Variants in LSAMP observed in about 807,000 individuals in gnomAD.
The protein encoded by LSAMP is limbic system associated membrane protein.
LSAMP carries 7 observed loss-of-function variants against 38.6 expected under a neutral mutation model. That is an observed-to-expected ratio of 0.18 (90% confidence interval 0.10 to 0.34). The LOEUF is 0.34. LSAMP is among the 10% of genes least tolerant of loss of function. The pLI is 1.00. For missense variants in LSAMP, 313 were observed against 420.0 expected (o/e 0.75, Z 2.23); for synonymous variants, 154 against 166.8 (o/e 0.92, Z 0.59).
chr3:115,868,430 A>G, intron 3 of LSAMP, among the ~76,000 whole-genome samples: 1 of 152,136 alleles, frequency 6.6e-6, no homozygotes, highest in East Asian at 1.9e-4. Context: ...CAAAACAGGA[A>G]TATTATAAAG....
At chr3:116,234,860 T>G (rs1226938286) in intron 1 of LSAMP, among the ~76,000 whole-genome samples, 1 of 152,180 alleles carries the variant, frequency 6.6e-6, no homozygotes, top group Non-Finnish European at 1.5e-5. Flanking sequence ...ATGGCACATG[T>G]GCATTCTTTG....
intron 1 of LSAMP, among the ~76,000 whole-genome samples, chr3:116,233,528 T>C (rs1027716894): frequency 1.3e-5 from 2 of 152,030 alleles, no homozygotes; most frequent in Admixed American, 1.3e-4. Context: ...ATTAAATTAC[T>C]GTAAATTATA....
intron 1 of LSAMP, among the ~76,000 whole-genome samples, chr3:116,297,621 T>A (rs1305486266): frequency 6.6e-6 from 1 of 152,190 alleles, no homozygotes; most frequent in Non-Finnish European, 1.5e-5. Flanking sequence ...TCAATCCATT[T>A]ACCTTATTTT....
At chr3:115,933,963 T>C (rs1334888664) in intron 3 of LSAMP, among the ~76,000 whole-genome samples, 1 of 151,838 alleles carries the variant, frequency 6.6e-6, no homozygotes, top group East Asian at 1.9e-4. Context: ...TTAAAAATGT[T>C]GGCATTAAAA....
intron 6 of LSAMP, among the ~76,000 whole-genome samples, chr3:115,823,535 TTTC>T (rs1451678319): frequency 2.0e-5 from 3 of 152,258 alleles, no homozygotes; most frequent in African/African-American, 7.2e-5. Context: ...GGAGCTTTAT[TTTC>T]TTCTTTATAG....
At chr3:116,096,100 G>C (rs968751593) in intron 1 of LSAMP, among the ~76,000 whole-genome samples, 1 of 151,886 alleles carries the variant, frequency 6.6e-6, no homozygotes, top group African/African-American at 2.4e-5. Flanking sequence ...TGTTTAAAAG[G>C]GTTTTAAAAA....
chr3:116,001,532 G>A (rs757504996), intron 3 of LSAMP, among the ~76,000 whole-genome samples: 4 of 152,150 alleles, frequency 2.6e-5, no homozygotes, highest in Non-Finnish European at 5.9e-5. Context: ...TTATCTTAGA[G>A]TCCTGGAGGT....
At chr3:115,828,538 G>A (rs1437326391) in intron 6 of LSAMP, among the ~76,000 whole-genome samples, 1 of 152,204 alleles carries the variant, frequency 6.6e-6, no homozygotes, top group Non-Finnish European at 1.5e-5. Context: ...AGCAAGCAGT[G>A]CTGCCGTGCA....
rs1357536306 is a variant in LSAMP at position 115,810,425 on chromosome 3, A to G, written c.920-11T>C. 2 of 1,590,444 alleles carry G rather than the reference A, an allele frequency of 1.3e-6. No homozygotes were observed. Among genetic ancestry groups the G allele is most frequent in the Admixed American group, 3.3e-5 (2 of 59,834 alleles). ...TCACCGACCCAGGTCCTGCAGAGCA[A>G]AAGAGGAGAGAGAAAAAGAGAATGA... On this transcript the variant is annotated splice_polypyrimidine_tract_variant and intron_variant, in intron 6 of 6. Coordinates refer to ENST00000490035, the MANE Select transcript of LSAMP (RefSeq NM_002338.5).
rs151282842 is a variant in LSAMP at position 116,020,372 on chromosome 3, G to C, written c.389-732C>G. 2.4e-3 allele frequency among the ~76,000 whole-genome samples: 362 copies of C among 152,192 alleles called. 3 individuals are homozygous for C. Among genetic ancestry groups the C allele is most frequent in the African/African-American group, 8.4e-3 (347 of 41,526 alleles). On this transcript the variant is annotated intron_variant, in intron 2 of 6. Transcript: ENST00000490035. ...TATTATACCTAAAACCCAACATAGA[G>C]TATTTAACAAATATTACTTCAATAA...
intron 3 of LSAMP, among the ~76,000 whole-genome samples, chr3:115,993,702 A>T (rs575719944): frequency 1.3e-5 from 2 of 151,984 alleles, no homozygotes; most frequent in African/African-American, 4.8e-5. Context: ...GTGGCTTTTT[A>T]AAAAAAATTT....
chr3:115,803,853 CCAAAGACACACATTTA>C lies in LSAMP; in HGVS notation c.*6448_*6463del, dbSNP rs1933572025. The stretch of plus-strand genomic sequence containing the variant: ...CGCCATCAGCACAAGCAAAGAGTTT[CCAAAGACACACATTTA>C]CTGTAATGAGGTACTTGGCCCAGGA... On this transcript the variant is annotated 3_prime_UTR_variant, in exon 7 of 7. Transcript: ENST00000490035. The C allele has an allele frequency of 6.6e-6, 1 of 152,170 alleles. No individual in the cohort carries two copies. Among genetic ancestry groups the C allele is most frequent in the African/African-American group, 2.4e-5 (1 of 41,432 alleles). The allele number at this position is 152,170 out of a possible 1,614,324, so 9.4% of individuals were successfully genotyped here.
At chr3:116,301,381 A>G (rs191920808) in intron 1 of LSAMP, among the ~76,000 whole-genome samples, 1 of 152,336 alleles carries the variant, frequency 6.6e-6, no homozygotes, top group East Asian at 1.9e-4. Flanking sequence ...CCTGACATCC[A>G]AAAAGCAAAC....
At chr3:116,398,347 A>G (rs2048795887) in intron 1 of LSAMP, among the ~76,000 whole-genome samples, 1 of 152,188 alleles carries the variant, frequency 6.6e-6, no homozygotes, top group South Asian at 2.1e-4. Flanking sequence ...AAGAGAGACT[A>G]AGATGATCAT....
chr3:115,895,560 C>G (rs779152704), intron 3 of LSAMP, among the ~76,000 whole-genome samples: 1 of 151,996 alleles, frequency 6.6e-6, no homozygotes, highest in Non-Finnish European at 1.5e-5. Context: ...AGTATAAGAC[C>G]CCTTTGCTGG....
intron 1 of LSAMP, among the ~76,000 whole-genome samples, chr3:116,224,872 C>T (rs1204234341): frequency 6.6e-6 from 1 of 152,168 alleles, no homozygotes; most frequent in African/African-American, 2.4e-5. Context: ...CACTATATGA[C>T]CAGCACCTAG....
intron 1 of LSAMP, among the ~76,000 whole-genome samples, chr3:116,207,503 T>C (rs368763867): frequency 2.6e-5 from 4 of 151,596 alleles, no homozygotes; most frequent in African/African-American, 9.7e-5. Context: ...CTAGTCTCGA[T>C]GGTCTTTACA....
intron 2 of LSAMP, among the ~76,000 whole-genome samples, chr3:116,041,341 G>C (rs573687882): frequency 1.7e-4 from 26 of 152,084 alleles, no homozygotes; most frequent in Non-Finnish European, 3.2e-4. Context: ...GCTTGTTAAT[G>C]AACATCAATT....
chr3:116,182,719 G>C (rs1377262435), intron 1 of LSAMP, among the ~76,000 whole-genome samples: 1 of 151,794 alleles, frequency 6.6e-6, no homozygotes, highest in Non-Finnish European at 1.5e-5. Flanking sequence ...TTTTTTGGTA[G>C]AGATGTCTGA....
Sources: gnomAD v4.1 joint callset for allele counts (sites outside exome capture counted in the v4.1 genomes callset) on GRCh38, gnomAD v4.1.1 for gene constraint, MANE v1.5 for transcripts, NCBI Gene and HGNC (gene_info 2026-07-23, HGNC 2026-07-21) for gene names.